FAM135B: variants seen among roughly 807,000 people sequenced by gnomAD.
The protein encoded by FAM135B is family with sequence similarity 135 member B.
In FAM135B, 43 loss-of-function variants were observed where a neutral mutation model predicts 127.7. That is an observed-to-expected ratio of 0.34 (90% confidence interval 0.26 to 0.43). The LOEUF (loss-of-function observed/expected upper bound fraction) is 0.43. Ranked by LOEUF, FAM135B falls within the 20% of genes least tolerant of loss-of-function variation. The probability of loss-of-function intolerance (pLI) is 1.00; values close to 1 mark genes in which losing one functional copy is unlikely to be tolerated. For missense variants in FAM135B, 1,558 were observed against 1,725.6 expected, an observed-to-expected ratio of 0.90 and a Z score of 1.72; for synonymous variants, 670 against 665.1, an observed-to-expected ratio of 1.01 and a Z score of -0.11.
intron 10 of FAM135B, 57 bp from the exon 11 acceptor site, chr8:138,177,477 T>C: frequency 7.0e-7 from 1 of 1,426,754 alleles, no homozygotes. Flanking sequence ...TACCTGCACT[T>C]TCTTTTTTTT....
chr8:138,370,731 T>A (rs1464179213), intron 1 of FAM135B, among the ~76,000 whole-genome samples: 2 of 152,204 alleles, frequency 1.3e-5, no homozygotes, highest in Non-Finnish European at 2.9e-5. Context: ...ATTACAGGCA[T>A]GAACCACCAT....
intron 3 of FAM135B, among the ~76,000 whole-genome samples, chr8:138,308,294 C>A (rs1826412128): frequency 6.6e-6 from 1 of 152,228 alleles, no homozygotes; most frequent in Non-Finnish European, 1.5e-5. Context: ...GCTCCATCCT[C>A]AGCTGAGATC....
At chr8:138,487,640 T>TGGGGGG (rs1815032197) in intron 1 of FAM135B, among the ~76,000 whole-genome samples, 10 of 128,382 alleles carry the variant, frequency 7.8e-5, no homozygotes, top group Non-Finnish European at 1.3e-4. Flanking sequence ...TGTGTGGGGG[T>TGGGGGG]GGGGGCGGGG....
At chr8:138,414,508 G>C (rs1171389288) in intron 1 of FAM135B, among the ~76,000 whole-genome samples, 2 of 152,144 alleles carry the variant, frequency 1.3e-5, no homozygotes, top group Non-Finnish European at 2.9e-5. Flanking sequence ...GACATAAGAA[G>C]AGAATAGTTT....
chr8:138,220,615 C>T (rs570328331), intron 7 of FAM135B, among the ~76,000 whole-genome samples: 1 of 152,050 alleles, frequency 6.6e-6, no homozygotes, highest in Non-Finnish European at 1.5e-5. Flanking sequence ...ATTGTAAGTG[C>T]TTGGTAAGTA....
At chr8:138,154,607 A>G (rs540856515) in intron 12 of FAM135B, among the ~76,000 whole-genome samples, 32 of 152,274 alleles carry the variant, frequency 2.1e-4, no homozygotes, top group African/African-American at 6.7e-4. Flanking sequence ...AAATGACCTG[A>G]AGGAGCTGAA....
chr8:138,413,739 C>T (rs1181985856), intron 1 of FAM135B, among the ~76,000 whole-genome samples: 3 of 152,094 alleles, frequency 2.0e-5, no homozygotes, highest in Non-Finnish European at 4.4e-5. Flanking sequence ...AATAAAAACT[C>T]ACACTCTTTC....
intron 2 of FAM135B, among the ~76,000 whole-genome samples, chr8:138,365,236 T>C (rs748125336): frequency 1.1e-4 from 16 of 152,184 alleles, no homozygotes; most frequent in Non-Finnish European, 2.4e-4. Context: ...GAGACTTTAG[T>C]GGTGAGCATG....
intron 2 of FAM135B, among the ~76,000 whole-genome samples, chr8:138,312,559 C>G (rs1164302181): frequency 1.3e-5 from 2 of 152,184 alleles, no homozygotes; most frequent in Non-Finnish European, 2.9e-5. Flanking sequence ...AAAAAGCCCT[C>G]TCCCTCCAGC....
chr8:138,442,267 T>TATATATACATATATAC (rs1554694337), intron 1 of FAM135B, among the ~76,000 whole-genome samples: 5 of 86,762 alleles, frequency 5.8e-5, no homozygotes, highest in Non-Finnish European at 1.2e-4. Flanking sequence ...TATATATATA[T>TATATATACATATATAC]ATATATATAT....
chr8:138,226,184 T>TGTGTGTGTGTGTGTGCGCGCGC, intron 7 of FAM135B, among the ~76,000 whole-genome samples: 2,130 of 139,194 alleles, frequency 0.015, 16 homozygotes, highest in East Asian at 0.063. Context: ...TGTGTGTGTG[T>TGTGTGTGTGTGTGTGCGCGCGC]GCGCGCATGT....
intron 1 of FAM135B, among the ~76,000 whole-genome samples, chr8:138,380,584 G>A (rs980821205): frequency 5.3e-5 from 8 of 151,988 alleles, no homozygotes; most frequent in African/African-American, 1.9e-4. Context: ...ACACAGATAC[G>A]ACATTTGAGG....
At chr8:138,230,399 C>A (rs1210354345) in intron 7 of FAM135B, among the ~76,000 whole-genome samples, 2 of 152,088 alleles carry the variant, frequency 1.3e-5, no homozygotes, top group Non-Finnish European at 2.9e-5. Context: ...AATTCACTAC[C>A]CTTCAGAATG....
intron 2 of FAM135B, among the ~76,000 whole-genome samples, chr8:138,317,420 G>A (rs1827178485): frequency 6.6e-6 from 1 of 152,132 alleles, no homozygotes; most frequent in African/African-American, 2.4e-5. Flanking sequence ...TCCACGTGGT[G>A]ATGAAAATAA....
At chr8:138,389,463 C>T (rs780514028) in intron 1 of FAM135B, among the ~76,000 whole-genome samples, 4 of 152,136 alleles carry the variant, frequency 2.6e-5, no homozygotes, top group Non-Finnish European at 4.4e-5. Context: ...CAAAAATATT[C>T]GTGCAGTAGG....
rs1007864433 is a variant in FAM135B, at chr8:138,141,986, CAAGAA to C, written c.3639-642_3639-638del. On this transcript the variant is annotated intron_variant, in intron 16 of 19. Coordinates refer to ENST00000395297, the MANE Select transcript of FAM135B (RefSeq NM_015912.4). The surrounding 1 kb of genome is among the most constrained non-coding windows in gnomAD (Gnocchi z 4.7). ...TACTCATGATGAGCATAAAACCATC[CAAGAA>C]AAGAAATCAGTGTCACCCTATGAAA... Among the ~76,000 whole-genome samples, 18 of 152,242 alleles carry C rather than the reference CAAGAA, an allele frequency of 1.2e-4. No individual in the cohort carries two copies. The highest frequency in any genetic ancestry group is 4.1e-4 in the African/African-American group (17 of 41,542).
At chr8:138,240,004 T>TG (rs371718040) in intron 7 of FAM135B, among the ~76,000 whole-genome samples, 2,321 of 35,558 alleles carry the variant, frequency 0.065, 61 homozygotes, top group African/African-American at 0.19. Context: ...TGTCATGGGG[T>TG]GGGGGAGGGG....
At chr8:138,317,072 C>T (rs116899107) in intron 2 of FAM135B, among the ~76,000 whole-genome samples, 3,458 of 151,312 alleles carry the variant, frequency 0.023, 132 homozygotes, top group East Asian at 0.16. Context: ...CTTACTTATG[C>T]AAGAACTTGT....
intron 7 of FAM135B, among the ~76,000 whole-genome samples, chr8:138,222,642 T>TTTTG (rs1306891619): frequency 7.9e-5 from 12 of 151,592 alleles, no homozygotes; most frequent in East Asian, 7.7e-4. Flanking sequence ...TGGTGGGGTT[T>TTTTG]TTTGTTTGTT....
Sources: allele counts gnomAD v4.1 joint callset (sites outside exome capture counted in the v4.1 genomes callset), GRCh38; gene constraint gnomAD v4.1.1; non-coding constraint Gnocchi (gnomAD v3.1); transcripts MANE v1.5; gene names NCBI Gene and HGNC (gene_info 2026-07-23, HGNC 2026-07-21).